ERGIC2: variants seen among roughly 807,000 people sequenced by gnomAD.
ERGIC2 encodes ERGIC and golgi 2, also known as endoplasmic reticulum-Golgi intermediate compartment protein 2.
ERGIC2 carries 31 observed loss-of-function variants against 52.5 expected under a neutral mutation model. The ratio of observed to expected loss-of-function variants is 0.59; its 90% CI spans 0.44 to 0.80. The LOEUF is 0.80. ERGIC2 is among the 30% of genes least tolerant of loss of function. ERGIC2 has a pLI of 0.00. For synonymous variants in ERGIC2, 129 were observed against 140.6 expected (o/e 0.92, Z 0.58); for missense variants, 395 against 455.2 (o/e 0.87, Z 1.20).
chr12:29,351,026 C>G (rs1940124006), intron 8 of ERGIC2, among the ~76,000 whole-genome samples: 1 of 151,988 alleles, frequency 6.6e-6, no homozygotes, highest in African/African-American at 2.4e-5. Context: ...ATAATTGTAA[C>G]TGATGGAAGT....
intron 6 of ERGIC2, among the ~76,000 whole-genome samples, chr12:29,361,037 A>C (rs1230923524): frequency 6.6e-6 from 1 of 152,208 alleles, no homozygotes; most frequent in East Asian, 1.9e-4. Flanking sequence ...ACTTCAGTTC[A>C]GGAGTTCAAG....
intron 5 of ERGIC2, among the ~76,000 whole-genome samples, chr12:29,364,949 GA>G (rs71042989): frequency 0.054 from 6,374 of 118,418 alleles, 145 homozygotes; most frequent in Middle Eastern, 0.13. Context: ...AAGTCAAAAA[GA>G]AAAAAAAAAA....
intron 5 of ERGIC2, among the ~76,000 whole-genome samples, chr12:29,364,905 C>A (rs1940336784): frequency 1.3e-5 from 2 of 151,158 alleles, no homozygotes; most frequent in Admixed American, 1.3e-4. Context: ...CAATGAGAGG[C>A]CATCTCACAC....
intron 1 of ERGIC2, among the ~76,000 whole-genome samples, chr12:29,379,292 T>TG (rs1435120248): frequency 6.6e-6 from 1 of 152,020 alleles, no homozygotes; most frequent in Non-Finnish European, 1.5e-5. Context: ...GCAAAGAGTA[T>TG]GGGGGTTAAT....
At chr12:29,377,242 T>TA (rs1397510202) in intron 1 of ERGIC2, among the ~76,000 whole-genome samples, 1 of 152,122 alleles carries the variant, frequency 6.6e-6, no homozygotes, top group Non-Finnish European at 1.5e-5. Flanking sequence ...TCTTGAATAT[T>TA]AAAAAACAAA....
rs1430482985 is a variant in ERGIC2 at position 29,341,182 on chromosome 12, G to A, written c.1108C>T (p.Pro370Ser). 4 of 1,610,056 alleles carry A rather than the reference G, an allele frequency of 2.5e-6. No homozygotes were observed. The Admixed American group carries it at 6.7e-5, about 27-fold the overall frequency. The change falls in exon 14 of 14, where the codon CCT (proline) becomes TCT (serine). Residue 370 changes from proline to serine, a missense_variant. Physicochemically the swap from Pro to Ser is moderately conservative, Grantham distance 74 (BLOSUM62 -1). Coordinates refer to ENST00000360150, the MANE Select transcript of ERGIC2 (RefSeq NM_016570.3). ...TAATGTGTATTATTTTCTAAAAGAGGTAAGTGGTTGTCTGTGTGGCCATCC... is the reference window on the plus strand; with the variant it reads ...TAATGTGTATTATTTTCTAAAAGAGATAAGTGGTTGTCTGTGTGGCCATCC... ...FEDGHTDNHL[P>S]LLENNTH is the part of the protein sequence containing the mutation.
chr12:29,340,652 G>GT lies in ERGIC2; in HGVS notation c.*503dup, dbSNP rs879735798. On this transcript the variant is annotated 3_prime_UTR_variant, in exon 14 of 14. Transcript: ENST00000360150. ...ATGGCTATAACATAGGGACTAGCCC[G>GT]TTTTTTTTTTTTATTAACAATGTGA... 0.081 allele frequency: 18,864 copies of GT among 232,454 alleles called. 2 individuals are homozygous for GT. Among genetic ancestry groups the GT allele is most frequent in the South Asian group, 0.17 (3,691 of 21,580 alleles). The allele number at this position is 232,454 out of a possible 1,614,324, so 14.4% of individuals were successfully genotyped here. A position where few individuals can be genotyped will look rare whatever the true frequency, so the allele number is the denominator to read the frequency against.
rs766913514 is a variant in ERGIC2 at position 29,366,928 on chromosome 12, C to G, written c.282G>C (p.Leu94Phe). The change falls in exon 5 of 14, where the codon TTG (leucine) becomes TTC (phenylalanine). Residue 94 changes from leucine (L) to phenylalanine (F), a missense_variant. Transcript: ENST00000360150. Reference protein sequence around the residue: ...MKCQYVGADVLDLAETMVASA... With the variant: ...MKCQYVGADVFDLAETMVASA... ...ATGCAACCATTGTTTCTGCTAAATC[C>G]AATACATCCGCTCCAACATCTGCAT... The G allele has an allele frequency of 3.1e-6, 5 of 1,598,544 alleles. No homozygotes were observed. The highest frequency in any genetic ancestry group is 4.3e-6 in the Non-Finnish European group (5 of 1,171,506).
In ERGIC2 at chr12:29,368,243, T is replaced by G; in HGVS notation, c.260A>C (p.Gln87Pro). 1 of 1,569,278 alleles carries G rather than the reference T, an allele frequency of 6.4e-7. No homozygotes were observed. The highest frequency in any genetic ancestry group is 8.8e-7 in the Non-Finnish European group (1 of 1,140,526). Residue 87 changes from glutamine to proline, a missense_variant and splice_region_variant, in exon 4 of 14, where the codon CAA (glutamine) becomes CCA (proline). Coordinates refer to ENST00000360150, the MANE Select transcript of ERGIC2 (RefSeq NM_016570.3). ...CAGCAAGTTGAAGGTGTACTTACAT[T>G]GACACTTCATGGCAACAGTAATATC... is the stretch of plus-strand genomic sequence containing the variant. ...NIDITVAMKC[Q>P]YVGADVLDLA... is the part of the protein sequence containing the mutation.
At chr12:29,341,288 C>T in intron 13 of ERGIC2, 70 bp from the exon 14 acceptor site, 1 of 1,251,040 alleles carries the variant, frequency 8.0e-7, no homozygotes, top group Non-Finnish European at 1.1e-6. Context: ...CCTCTAAACA[C>T]AAGGTTTTAT....
rs538458758 is a variant in ERGIC2 at position 29,349,117 on chromosome 12, A to G, written c.689T>C (p.Ile230Thr). 4 of 1,583,010 alleles carry G rather than the reference A, an allele frequency of 2.5e-6. No individual in the cohort carries two copies. The highest frequency in any genetic ancestry group is 4.6e-5 in the East Asian group (2 of 43,328). The change falls in exon 10 of 14, where the codon ATT (isoleucine) becomes ACT (threonine). Residue 230 changes from isoleucine (I) to threonine (T), a missense_variant. Ile to Thr is a moderately conservative substitution (Grantham distance 89). Transcript: ENST00000360150. ...LSFGELVPAI[I>T]NPLDGTEKIA... ...TTTTTCAGTTCCATCTAAAGGATTAATAATTGCTGGAACAAGCTCTCCAAA... is the reference window on the plus strand; with the variant it reads ...TTTTTCAGTTCCATCTAAAGGATTAGTAATTGCTGGAACAAGCTCTCCAAA...
At chr12:29,363,400 A>T (rs1468334783) in intron 5 of ERGIC2, among the ~76,000 whole-genome samples, 1 of 151,838 alleles carries the variant, frequency 6.6e-6, no homozygotes, top group East Asian at 1.9e-4. Context: ...ATTTTTAATA[A>T]TTTTATATTA....
intron 2 of ERGIC2, 43 bp downstream of exon 2, chr12:29,371,485 A>C: frequency 7.9e-7 from 1 of 1,262,742 alleles, no homozygotes; most frequent in Non-Finnish European, 1.1e-6. Flanking sequence ...ATCACGCAGA[A>C]GTTGTACTTA....
At chr12:29,380,138 T>C (rs568474333) in intron 1 of ERGIC2, among the ~76,000 whole-genome samples, 3 of 149,640 alleles carry the variant, frequency 2.0e-5, no homozygotes, top group East Asian at 3.9e-4. Flanking sequence ...AGAATTTTTT[T>C]CCTCATGTTT....
At chr12:29,353,399 C>T (rs1277218514) in intron 8 of ERGIC2, among the ~76,000 whole-genome samples, 1 of 152,132 alleles carries the variant, frequency 6.6e-6, no homozygotes, top group Non-Finnish European at 1.5e-5. Context: ...TTCTGAATAA[C>T]CAAATTACAA....
At chr12:29,380,436 A>C (rs1940572184) in intron 1 of ERGIC2, 1 of 152,152 alleles carries the variant, frequency 6.6e-6, no homozygotes, top group South Asian at 2.1e-4. Context: ...TAAAATATAA[A>C]AGTTATTTAA....
chr12:29,369,027 T>A lies in ERGIC2; in HGVS notation c.216-740A>T, dbSNP rs1385116288. Among the ~76,000 whole-genome samples, 4 of 152,090 alleles carry A rather than the reference T, an allele frequency of 2.6e-5. No individual in the cohort carries two copies. The East Asian group carries it at 7.7e-4, about 29-fold the overall frequency. ...TGATCAAATTCAGTCCTGTGCTTTC[T>A]ATGATAACTTTTTTCTGTGTAATAA... On this transcript the variant is annotated intron_variant, in intron 3 of 13. Coordinates refer to ENST00000360150, the MANE Select transcript of ERGIC2 (RefSeq NM_016570.3).
chr12:29,366,032 T>G (rs552863239), intron 5 of ERGIC2, among the ~76,000 whole-genome samples: 1 of 152,010 alleles, frequency 6.6e-6, no homozygotes, highest in South Asian at 2.1e-4. Context: ...TTTTCTTTCC[T>G]TTAACCCCAT....
intron 8 of ERGIC2, among the ~76,000 whole-genome samples, chr12:29,354,871 T>A (rs1299297833): frequency 2.0e-5 from 3 of 152,180 alleles, no homozygotes; most frequent in Non-Finnish European, 4.4e-5. Context: ...ATCTGCTAAA[T>A]TTCTTTAAGC....
Sources: allele counts gnomAD v4.1 joint callset (sites outside exome capture counted in the v4.1 genomes callset), GRCh38; gene constraint gnomAD v4.1.1; transcripts MANE v1.5; gene names NCBI Gene and HGNC (gene_info 2026-07-23, HGNC 2026-07-21).